Variants in XPR1 observed in about 807,000 individuals in gnomAD.
XPR1 encodes the protein xenotropic and polytropic retrovirus receptor 1, also known as solute carrier family 53 member 1.
XPR1 carries 28 observed loss-of-function variants against 87.5 expected under a neutral mutation model. That is an observed-to-expected ratio of 0.32 (90% confidence interval 0.24 to 0.44). XPR1 has a LOEUF of 0.44. Among genes scored for constraint, XPR1 ranks in the 20% least tolerant of loss-of-function variants. The probability of loss-of-function intolerance (pLI) is 1.00; values close to 1 mark genes in which losing one functional copy is unlikely to be tolerated. For missense variants in XPR1, 559 were observed against 862.3 expected (o/e 0.65, Z 4.41); for synonymous variants, 300 against 306.1 (o/e 0.98, Z 0.21).
In XPR1 at chr1:180,824,804, A is replaced by G. The variant is rs1650769103; in HGVS notation, c.815A>G (p.Tyr272Cys). The G allele has an allele frequency of 6.2e-7, 1 of 1,614,108 alleles. No individual in the cohort carries two copies. The highest frequency in any genetic ancestry group is 8.5e-7 in the Non-Finnish European group (1 of 1,179,986). The change falls in exon 8 of 15, where the codon TAT becomes TGT. Residue 272 changes from tyrosine (Y) to cysteine (C), a missense_variant. This residue lies in a region of XPR1 where 39 missense variants were observed against 38.5 expected (regional missense o/e 1.01). Transcript: ENST00000367590. The stretch of plus-strand genomic sequence containing the variant: ...AGTATATGGCCCTTGATAAGAATCT[A>G]TCGGGGTGGCTTTCTTCTGATTGAA... ...DRSIWPLIRI[Y>C]RGGFLLIEFL...
intron 7 of XPR1, among the ~76,000 whole-genome samples, chr1:180,812,436 A>G (rs1650251591): frequency 6.6e-6 from 1 of 152,204 alleles, no homozygotes; most frequent in Non-Finnish European, 1.5e-5. Context: ...TTACACAGAC[A>G]AAAGATACCT....
At chr1:180,830,487 C>G (rs1157231569) in intron 9 of XPR1, among the ~76,000 whole-genome samples, 1 of 152,086 alleles carries the variant, frequency 6.6e-6, no homozygotes, top group Non-Finnish European at 1.5e-5. Context: ...CCATTTATCT[C>G]CCTGACATAA....
At chr1:180,734,032 T>A (rs182858672) in intron 2 of XPR1, among the ~76,000 whole-genome samples, 1 of 152,188 alleles carries the variant, frequency 6.6e-6, no homozygotes, top group Non-Finnish European at 1.5e-5. Context: ...GATTAGAGTA[T>A]CTTCTTCAGG....
At chr1:180,828,605 A>G (rs536120615) in intron 9 of XPR1, among the ~76,000 whole-genome samples, 10 of 152,360 alleles carry the variant, frequency 6.6e-5, no homozygotes, top group African/African-American at 2.2e-4. Context: ...CATTTCTATT[A>G]TAAGAATAGA....
chr1:180,736,211 G>A (rs990856999), intron 2 of XPR1, among the ~76,000 whole-genome samples: 3 of 152,120 alleles, frequency 2.0e-5, no homozygotes, highest in African/African-American at 7.2e-5. Flanking sequence ...GAAGGATGGG[G>A]AAGTTTTTCA....
intron 3 of XPR1, among the ~76,000 whole-genome samples, chr1:180,790,414 T>A (rs1649327716): frequency 6.6e-6 from 1 of 152,170 alleles, no homozygotes; most frequent in Non-Finnish European, 1.5e-5. Context: ...CATCTTTCAT[T>A]TGTAGCTGGG....
chr1:180,762,233 G>A (rs1191508107), intron 2 of XPR1, among the ~76,000 whole-genome samples: 1 of 151,646 alleles, frequency 6.6e-6, no homozygotes, highest in Non-Finnish European at 1.5e-5. Flanking sequence ...TAACAAACCT[G>A]CACATTGGGC....
At chr1:180,828,031 C>T (rs1027940961) in intron 9 of XPR1, among the ~76,000 whole-genome samples, 5 of 151,998 alleles carry the variant, frequency 3.3e-5, no homozygotes, top group African/African-American at 7.2e-5. Flanking sequence ...TGTGTGCCAA[C>T]GTGCCTGGCC....
chr1:180,825,321 C>G lies in XPR1; in HGVS notation c.1111C>G (p.Arg371Gly), dbSNP rs760728379. The change falls in exon 9 of 15, where the codon CGG becomes GGG. Residue 371 changes from arginine to glycine, a missense_variant. Arg to Gly is a moderately radical substitution (Grantham distance 125). Transcript: ENST00000367590. Reference protein sequence around the residue: ...NPTKTFYYKSRFWLLKLLFRV... With the variant: ...NPTKTFYYKSGFWLLKLLFRV... ...CACCAAAACTTTCTACTATAAATCC[C>G]GGTTTTGGCTGCTTAAACTGCTGGT... The G allele has an allele frequency of 6.2e-7, 1 of 1,613,204 alleles. No homozygotes were observed. Among genetic ancestry groups the G allele is most frequent in the Non-Finnish European group, 8.5e-7 (1 of 1,179,768 alleles).
At chr1:180,828,331 A>C (rs1650935675) in intron 9 of XPR1, among the ~76,000 whole-genome samples, 1 of 152,180 alleles carries the variant, frequency 6.6e-6, no homozygotes, top group Admixed American at 6.5e-5. Context: ...ATTTATTTTG[A>C]TATGAATATT....
chr1:180,803,305 C>A (rs764166217), intron 3 of XPR1, 83 bp from the exon 4 acceptor site: 6 of 1,274,254 alleles, frequency 4.7e-6, no homozygotes, highest in Non-Finnish European at 6.5e-6. Context: ...TCTAAGGGAG[C>A]AAATGGGAAT....
chr1:180,768,417 A>G (rs535791181), intron 2 of XPR1, among the ~76,000 whole-genome samples: 3 of 152,270 alleles, frequency 2.0e-5, no homozygotes, highest in Non-Finnish European at 4.4e-5. Flanking sequence ...TATTTCTATT[A>G]TAATCTTTTG....
chr1:180,836,425 C>A, intron 10 of XPR1, 97 bp from the exon 11 acceptor site: 1 of 1,358,708 alleles, frequency 7.4e-7, no homozygotes, highest in Non-Finnish European at 1.0e-6. Flanking sequence ...AGGTTTTTTG[C>A]TTTTTTAGAC....
chr1:180,656,384 C>A (rs1438508754), intron 1 of XPR1, among the ~76,000 whole-genome samples: 6 of 80,328 alleles, frequency 7.5e-5, no homozygotes, highest in East Asian at 3.3e-4. Flanking sequence ...ATATAATATT[C>A]ATGTATTTAT....
intron 11 of XPR1, among the ~76,000 whole-genome samples, chr1:180,847,437 T>C (rs374345293): frequency 2.2e-4 from 33 of 152,308 alleles, no homozygotes; most frequent in East Asian, 1.5e-3. Context: ...AGAACTAGAA[T>C]GTGGGCTTTG....
At chr1:180,793,642 T>C (rs1192471622) in intron 3 of XPR1, among the ~76,000 whole-genome samples, 1 of 152,122 alleles carries the variant, frequency 6.6e-6, no homozygotes, top group Admixed American at 6.5e-5. Context: ...TAAGAACTGT[T>C]TAAAGGAGCA....
chr1:180,830,755 G>A (rs1388380830), intron 9 of XPR1, among the ~76,000 whole-genome samples: 2 of 152,090 alleles, frequency 1.3e-5, no homozygotes, highest in East Asian at 1.9e-4. Context: ...TTCACACAGC[G>A]CTTATCAAGA....
At chr1:180,779,790 C>T (rs765673920) in intron 2 of XPR1, among the ~76,000 whole-genome samples, 10 of 152,054 alleles carry the variant, frequency 6.6e-5, no homozygotes, top group Non-Finnish European at 1.2e-4. Flanking sequence ...CAGCCATCAC[C>T]ACTATCTAAT....
intron 1 of XPR1, among the ~76,000 whole-genome samples, chr1:180,644,593 C>T (rs1430413134): frequency 6.6e-6 from 1 of 151,910 alleles, no homozygotes; most frequent in African/African-American, 2.4e-5. Context: ...TTAGATTCTA[C>T]CTGTAAAACA....
Sources: allele counts gnomAD v4.1 joint callset (sites outside exome capture counted in the v4.1 genomes callset), GRCh38; gene constraint gnomAD v4.1.1; regional missense constraint gnomAD v4.1.1; transcripts MANE v1.5; gene names NCBI Gene and HGNC (gene_info 2026-07-23, HGNC 2026-07-21).